GTF2E1: variants seen among roughly 807,000 people sequenced by gnomAD.
GTF2E1 encodes TFIIE alpha subunit.
GTF2E1 carries 14 observed loss-of-function variants against 34.9 expected under a neutral mutation model. The observed-to-expected ratio is 0.40, with a 90% CI of 0.27 to 0.63. The LOEUF is 0.63. GTF2E1 is among the 20% of genes least tolerant of loss of function. GTF2E1 has a pLI of 0.39. For missense variants in GTF2E1, 469 were observed against 557.7 expected, an observed-to-expected ratio of 0.84 and a Z score of 1.60; for synonymous variants, 188 against 192.9, an observed-to-expected ratio of 0.97 and a Z score of 0.21.
chr3:120,777,366 A>G (rs1709410495), intron 4 of GTF2E1, among the ~76,000 whole-genome samples: 1 of 152,208 alleles, frequency 6.6e-6, no homozygotes, highest in Admixed American at 6.5e-5. Context: ...GCTGGAAAGT[A>G]GAGAGGAAGG....
intron 2 of GTF2E1, among the ~76,000 whole-genome samples, chr3:120,754,277 T>C (rs188209947): frequency 2.4e-4 from 37 of 152,320 alleles, no homozygotes; most frequent in Admixed American, 2.2e-3. Flanking sequence ...TTAAAAATTA[T>C]GCAACCATAA....
chr3:120,763,408 T>A (rs1295107114), intron 2 of GTF2E1, among the ~76,000 whole-genome samples: 1 of 152,210 alleles, frequency 6.6e-6, no homozygotes, highest in African/African-American at 2.4e-5. Flanking sequence ...GGGGTGGTTT[T>A]ATGTATTTCA....
chr3:120,751,854 A>G (rs1389827674), intron 2 of GTF2E1, among the ~76,000 whole-genome samples: 4 of 152,176 alleles, frequency 2.6e-5, no homozygotes, highest in Non-Finnish European at 4.4e-5. Context: ...TGAATTCAGG[A>G]GTATAGGCTA....
chr3:120,759,821 G>T (rs915944428), intron 2 of GTF2E1, among the ~76,000 whole-genome samples: 2 of 152,104 alleles, frequency 1.3e-5, no homozygotes, highest in African/African-American at 4.8e-5. Context: ...TAGCAGTAAC[G>T]TGCTGTTTTG....
At chr3:120,749,592 C>A (rs1323343037) in intron 1 of GTF2E1, among the ~76,000 whole-genome samples, 10 of 152,076 alleles carry the variant, frequency 6.6e-5, no homozygotes, top group Admixed American at 5.9e-4. Context: ...CCTTGCATCC[C>A]AGGGATGAAG....
At chr3:120,769,867 A>G (rs1392018823) in intron 2 of GTF2E1, among the ~76,000 whole-genome samples, 1 of 152,082 alleles carries the variant, frequency 6.6e-6, no homozygotes, top group African/African-American at 2.4e-5. Flanking sequence ...CAATAAGAAG[A>G]TGTATTTTAG....
chr3:120,776,485 C>G lies in GTF2E1; in HGVS notation c.713C>G (p.Ala238Gly). ...ASLAGGHHREAWATKGPSYED... is the reference protein window; with the variant it reads ...ASLAGGHHREGWATKGPSYED... ...CTAGCAGGTGGGCACCACCGGGAAG[C>G]ATGGGCCACCAAAGGTCCTTCCTAT... The change falls in exon 4 of 5, where the codon GCA becomes GGA. Residue 238 changes from alanine (A) to glycine (G), a missense_variant. Physicochemically the swap from Ala to Gly is moderately conservative, Grantham distance 60 (BLOSUM62 0). Coordinates refer to ENST00000283875, the MANE Select transcript of GTF2E1 (RefSeq NM_005513.3). 1 of 1,613,690 alleles carries G rather than the reference C, an allele frequency of 6.2e-7. No individual in the cohort carries two copies. Among genetic ancestry groups the G allele is most frequent in the Non-Finnish European group, 8.5e-7 (1 of 1,179,644 alleles).
At chr3:120,746,648 A>G (rs1016688979) in intron 1 of GTF2E1, among the ~76,000 whole-genome samples, 4 of 151,984 alleles carry the variant, frequency 2.6e-5, no homozygotes, top group African/African-American at 9.7e-5. Flanking sequence ...AAAACACAAA[A>G]ATTAGTCAGT....
chr3:120,742,826 T>G, intron 1 of GTF2E1, 32 bp downstream of exon 1: 2 of 396,204 alleles, frequency 5.0e-6, no homozygotes, highest in Non-Finnish European at 4.7e-6. Context: ...TTGTTCGGAG[T>G]TCCCTGGCCG....
At chr3:120,757,440 A>G (rs1709218548) in intron 2 of GTF2E1, among the ~76,000 whole-genome samples, 1 of 152,102 alleles carries the variant, frequency 6.6e-6, no homozygotes, top group Non-Finnish European at 1.5e-5. Context: ...ATGCAGATGA[A>G]TGAGTATTTT....
chr3:120,760,726 T>G (rs1025886215), intron 2 of GTF2E1, among the ~76,000 whole-genome samples: 1 of 152,192 alleles, frequency 6.6e-6, no homozygotes, highest in East Asian at 1.9e-4. Flanking sequence ...ATGGATTACA[T>G]TTATTGATTT....
At chr3:120,758,276 T>C (rs1709227283) in intron 2 of GTF2E1, among the ~76,000 whole-genome samples, 2 of 152,294 alleles carry the variant, frequency 1.3e-5, no homozygotes, top group South Asian at 4.1e-4. Flanking sequence ...CTCACTGCAC[T>C]CCCACCAATT....
chr3:120,774,248 G>T (rs1371083820), intron 3 of GTF2E1, among the ~76,000 whole-genome samples: 1 of 152,168 alleles, frequency 6.6e-6, no homozygotes. Context: ...AGATGGGGAT[G>T]TTGGCTGAGG....
chr3:120,760,578 T>G (rs140559449), intron 2 of GTF2E1, among the ~76,000 whole-genome samples: 2 of 152,204 alleles, frequency 1.3e-5, no homozygotes, highest in African/African-American at 4.8e-5. Flanking sequence ...TCATAGCTCT[T>G]ATTATTTTGA....
intron 2 of GTF2E1, among the ~76,000 whole-genome samples, chr3:120,761,207 A>G (rs2107608675): frequency 6.6e-6 from 1 of 152,214 alleles, no homozygotes; most frequent in East Asian, 1.9e-4. Context: ...TTATTTTTGT[A>G]GCGTTGTTTA....
At chr3:120,761,542 T>A (rs1303474031) in intron 2 of GTF2E1, among the ~76,000 whole-genome samples, 1 of 152,220 alleles carries the variant, frequency 6.6e-6, no homozygotes, top group Non-Finnish European at 1.5e-5. Context: ...TTTCCTGCTT[T>A]CTCTTGTGGG....
rs1047993132 is a variant in GTF2E1 at position 120,782,838 on chromosome 3, A to T, written c.*1368A>T. On this transcript the variant is annotated 3_prime_UTR_variant, in exon 5 of 5. Transcript: ENST00000283875. Reference sequence around the variant, plus strand: ...AGGAAACAGTTTATTTTGGGTTCTGATATGTAGCATGGTATTTTCCCTAAG... The same window carrying T: ...AGGAAACAGTTTATTTTGGGTTCTGTTATGTAGCATGGTATTTTCCCTAAG... 6.6e-6 allele frequency: 1 copy of T among 152,154 alleles called. No homozygotes were observed. The highest frequency in any genetic ancestry group is 6.5e-5 in the Admixed American group (1 of 15,270). 9.4% of individuals were successfully genotyped at this position (152,154 alleles called of 1,614,324 possible). A position where few individuals can be genotyped will look rare whatever the true frequency, so the allele number is the denominator to read the frequency against.
intron 2 of GTF2E1, among the ~76,000 whole-genome samples, chr3:120,753,253 C>T (rs755975069): frequency 7.2e-5 from 11 of 151,958 alleles, no homozygotes; most frequent in Non-Finnish European, 1.6e-4. Flanking sequence ...CTCCTCTACT[C>T]CCACCCCATT....
At chr3:120,773,837 T>C (rs1345231787) in intron 3 of GTF2E1, among the ~76,000 whole-genome samples, 1 of 152,192 alleles carries the variant, frequency 6.6e-6, no homozygotes, top group Non-Finnish European at 1.5e-5. Flanking sequence ...AAATGTCTGC[T>C]GCCTCAAACT....
Sources: allele counts gnomAD v4.1 joint callset (sites outside exome capture counted in the v4.1 genomes callset), GRCh38; gene constraint gnomAD v4.1.1; transcripts MANE v1.5; gene names NCBI Gene and HGNC (gene_info 2026-07-23, HGNC 2026-07-21).